The following IPO8 variants were observed in gnomAD, a reference collection of about 807,000 sequenced individuals.
IPO8 encodes the protein importin 8, also known as importin-8.
IPO8 carries 65 observed loss-of-function variants against 141.2 expected under a neutral mutation model. The ratio of observed to expected loss-of-function variants is 0.46; its 90% CI spans 0.38 to 0.57. The LOEUF (loss-of-function observed/expected upper bound fraction) is 0.57, where lower values mean the gene tolerates loss of function less well. Ranked by LOEUF, IPO8 falls within the 20% of genes least tolerant of loss-of-function variation. The pLI, the probability that IPO8 is intolerant of heterozygous loss-of-function variation, is 0.00. For synonymous variants in IPO8, 411 were observed against 420.3 expected (o/e 0.98, Z 0.27); for missense variants, 980 against 1,246.8 (o/e 0.79, Z 3.22).
chr12:30,677,501 T>TA (rs2053137741), intron 5 of IPO8, among the ~76,000 whole-genome samples: 1 of 152,074 alleles, frequency 6.6e-6, no homozygotes, highest in African/African-American at 2.4e-5. Flanking sequence ...CTTTTTTTTT[T>TA]AAGTTATCTA....
chr12:30,689,335 T>C (rs2053270304), intron 2 of IPO8, among the ~76,000 whole-genome samples: 1 of 152,168 alleles, frequency 6.6e-6, no homozygotes, highest in African/African-American at 2.4e-5. Flanking sequence ...TATAAACACT[T>C]AGGTTTTTAA....
chr12:30,665,939 A>T (rs1345439529), intron 11 of IPO8, 94 bp from the exon 12 acceptor site: 1 of 830,806 alleles, frequency 1.2e-6, no homozygotes, highest in East Asian at 2.5e-5. Flanking sequence ...AAATAAAGCC[A>T]TTTTATTATG....
intron 2 of IPO8, among the ~76,000 whole-genome samples, chr12:30,685,958 A>G (rs1225145291): frequency 1.3e-5 from 2 of 152,012 alleles, no homozygotes; most frequent in South Asian, 2.1e-4. Context: ...CATAAAGAAT[A>G]CACCAATACA....
At chr12:30,679,597 AT>A (rs1228433908) in intron 5 of IPO8, among the ~76,000 whole-genome samples, 2 of 150,008 alleles carry the variant, frequency 1.3e-5, no homozygotes, top group Non-Finnish European at 3.0e-5. Context: ...AAAAAAAAAA[AT>A]ATCTGCCTCA....
chr12:30,639,793 A>G lies in IPO8; in HGVS notation c.2269-58T>C, dbSNP rs959568840. 153 of 1,204,124 alleles carry G rather than the reference A, an allele frequency of 1.3e-4. 2 individuals carry two copies. In the South Asian group the frequency reaches 1.8e-3, roughly 15 times the overall value. The allele number at this position is 1,204,124 out of a possible 1,614,324, so 74.6% of individuals were successfully genotyped here. A position where few individuals can be genotyped will look rare whatever the true frequency, so the allele number is the denominator to read the frequency against. ...AGACAGCCCAAGTAACTTTTATAGAAGCTGAATATTGGCAGAGCATTCTCA... is the reference window on the plus strand; with the variant it reads ...AGACAGCCCAAGTAACTTTTATAGAGGCTGAATATTGGCAGAGCATTCTCA... On this transcript the variant is annotated intron_variant, in intron 20 of 24. Coordinates refer to ENST00000256079, the MANE Select transcript of IPO8 (RefSeq NM_006390.4).
rs2052512472 is a variant in IPO8 at position 30,637,061 on chromosome 12, T to C, written c.2616A>G (p.Leu872=). Residue 872 remains leucine (L), a synonymous_variant, in exon 22 of 25, where the codon CTA becomes CTG. Coordinates refer to ENST00000256079, the MANE Select transcript of IPO8 (RefSeq NM_006390.4). ...GTTGTCTAGTAGCACAGACCTGCTT[T>C]AGGCCAAGGAAAAGGAAAAGAATTG... The part of the protein sequence containing the change: ...VPSILFLFLG[L]KQVCATRQLV... 5 of 1,614,076 alleles carry C rather than the reference T, an allele frequency of 3.1e-6. No homozygotes were observed. The highest frequency in any genetic ancestry group is 4.2e-6 in the Non-Finnish European group (5 of 1,179,964).
intron 21 of IPO8, among the ~76,000 whole-genome samples, chr12:30,637,894 G>A (rs371695485): frequency 1.6e-4 from 24 of 152,158 alleles, no homozygotes; most frequent in Non-Finnish European, 2.6e-4. Flanking sequence ...CACTTGCAGC[G>A]ATTCAATGTG....
intron 3 of IPO8, among the ~76,000 whole-genome samples, chr12:30,682,629 A>T (rs1591844217): frequency 6.6e-6 from 1 of 152,126 alleles, no homozygotes; most frequent in East Asian, 1.9e-4. Flanking sequence ...TTTTCTATAA[A>T]CTATCAATTC....
chr12:30,679,977 A>G (rs775960686), intron 5 of IPO8, among the ~76,000 whole-genome samples: 1 of 152,066 alleles, frequency 6.6e-6, no homozygotes, highest in Non-Finnish European at 1.5e-5. Flanking sequence ...TATCCCTTAT[A>G]GCATTCAGAT....
At chr12:30,668,119 C>T (rs2052994448) in intron 10 of IPO8, among the ~76,000 whole-genome samples, 1 of 151,828 alleles carries the variant, frequency 6.6e-6, no homozygotes, top group South Asian at 2.1e-4. Flanking sequence ...ACTAGAAAAA[C>T]AAAGGCATAA....
intron 14 of IPO8, among the ~76,000 whole-genome samples, chr12:30,663,169 C>T (rs951849987): frequency 3.9e-5 from 6 of 152,086 alleles, no homozygotes; most frequent in African/African-American, 1.4e-4. Flanking sequence ...TATGTGGAAA[C>T]CTGAGCCTTG....
intron 16 of IPO8, 76 bp from the exon 17 acceptor site, chr12:30,656,826 T>C (rs146010163): frequency 9.3e-4 from 624 of 670,800 alleles, no homozygotes; most frequent in Admixed American, 1.3e-3. Context: ...CCAATAAAAA[T>C]ATCAAGAGGA....
At chr12:30,679,385 G>C (rs750372404) in intron 5 of IPO8, among the ~76,000 whole-genome samples, 8 of 152,112 alleles carry the variant, frequency 5.3e-5, no homozygotes, top group East Asian at 1.9e-4. Flanking sequence ...TAGAGGTAGA[G>C]GCTTTAGAAA....
At position 30,681,755 on chromosome 12, in the gene IPO8, C is replaced by A; in HGVS notation, c.386G>T (p.Gly129Val). ...GTAATAGTCTATCTTGTCGACCACT[C>A]CTGGCCAGTGACCAGGAAAATCATG... Reference protein sequence around the residue: ...IKHDFPGHWPGVVDKIDYYLQ... With the variant: ...IKHDFPGHWPVVVDKIDYYLQ... The change falls in exon 4 of 25, where the codon GGA becomes GTA. Residue 129 changes from glycine (G) to valine (V), a missense_variant. Transcript: ENST00000256079. 6.2e-7 allele frequency: 1 copy of A among 1,613,796 alleles called. No homozygotes were observed. The highest frequency in any genetic ancestry group is 8.5e-7 in the Non-Finnish European group (1 of 1,179,750).
At position 30,669,192 on chromosome 12, in the gene IPO8, T is replaced by C. The variant is rs961665086; in HGVS notation, c.1135A>G (p.Met379Val). The C allele has an allele frequency of 4.6e-6, 7 of 1,514,294 alleles. No individual in the cohort carries two copies. Among genetic ancestry groups the C allele is most frequent in the Middle Eastern group, 1.7e-4 (1 of 5,776 alleles). 93.8% of individuals were successfully genotyped at this position (1,514,294 alleles called of 1,614,324 possible). A position where few individuals can be genotyped will look rare whatever the true frequency, so the allele number is the denominator to read the frequency against. The change falls in exon 10 of 25, where the codon ATG becomes GTG. Residue 379 changes from methionine (M) to valine (V), a missense_variant. Met to Val is a conservative substitution (Grantham distance 21, BLOSUM62 1). This residue lies in a region of IPO8 where 924 missense variants were observed against 1,153.9 expected (regional missense o/e 0.80). Coordinates refer to ENST00000256079, the MANE Select transcript of IPO8 (RefSeq NM_006390.4). ...AAACCATCTCAATTACCAAATTTCA[T>C]CCTTATATACTCATATGGATCTTCT... ...WQEDPYEYIR[M>V]KFDIFEDYAS...
Position 30,639,541 on chromosome 12 carries a change from C to T in IPO8, c.2463G>A (p.Trp821Ter). Residue 821 changes from tryptophan to a stop codon, truncating the protein, a stop_gained, in exon 21 of 25, where the codon TGG (tryptophan) becomes TGA (stop). Transcript: ENST00000256079. LOFTEE classifies it high-confidence loss of function. ...CAAGAAAACAATCTGTATCATTCAT[C>T]CATTGATTTATAAACTGTACAGTGA... ...GPITVQFINQ[W>*]MNDTDCFLGH... The T allele has an allele frequency of 1.9e-6, 3 of 1,612,508 alleles. No homozygotes were observed. The South Asian group carries it at 3.3e-5, about 18-fold the overall frequency.
chr12:30,646,845 C>T (rs2052653845), intron 20 of IPO8, among the ~76,000 whole-genome samples: 1 of 152,134 alleles, frequency 6.6e-6, no homozygotes, highest in Non-Finnish European at 1.5e-5. Flanking sequence ...AAAGTCACCC[C>T]ACGTTCAGGG....
chr12:30,671,470 G>C (rs187123229), intron 8 of IPO8, among the ~76,000 whole-genome samples: 20 of 151,924 alleles, frequency 1.3e-4, no homozygotes, highest in Admixed American at 1.3e-3. Context: ...TCAGGAGAAC[G>C]AGAGCATCCT....
In IPO8 at chr12:30,666,236, T is replaced by A; in HGVS notation, c.1160A>T (p.Tyr387Phe). ...CTGGGCTGCTGTGGTGGGAGAAGCATAATCTTCAAAAATATCTAAGATTTT... is the reference window on the plus strand; with the variant it reads ...CTGGGCTGCTGTGGTGGGAGAAGCAAAATCTTCAAAAATATCTAAGATTTT... ...IRMKFDIFED[Y>F]ASPTTAAQTL... is the part of the protein sequence containing the mutation. The change falls in exon 11 of 25, where the codon TAT (tyrosine) becomes TTT (phenylalanine). Residue 387 changes from tyrosine (Y) to phenylalanine (F), a missense_variant. Tyr to Phe is a conservative substitution (Grantham distance 22). Around this residue, in one of 3 missense-constraint regions of IPO8, gnomAD observed 924 missense variants for 1,153.9 expected, o/e 0.80. Transcript: ENST00000256079. 2 of 1,586,320 alleles carry A rather than the reference T, an allele frequency of 1.3e-6. No individual in the cohort carries two copies. The highest frequency in any genetic ancestry group is 1.7e-6 in the Non-Finnish European group (2 of 1,162,914).
Sources: gnomAD v4.1 joint callset for allele counts (sites outside exome capture counted in the v4.1 genomes callset) on GRCh38, gnomAD v4.1.1 for gene constraint, gnomAD v4.1.1 regional missense constraint, MANE v1.5 for transcripts, NCBI Gene and HGNC (gene_info 2026-07-23, HGNC 2026-07-21) for gene names.